The following PKNOX2 variants were observed in gnomAD, a reference collection of about 807,000 sequenced individuals.
PKNOX2 encodes PBX/knotted 1 homeobox 2, also known as homeobox protein PKNOX2.
PKNOX2 carries 14 observed loss-of-function variants against 53.1 expected under a neutral mutation model. The ratio of observed to expected loss-of-function variants is 0.26; its 90% CI spans 0.17 to 0.41. The LOEUF (loss-of-function observed/expected upper bound fraction) is 0.41. Ranked by LOEUF, PKNOX2 falls within the 10% of genes least tolerant of loss-of-function variation. PKNOX2 has a pLI of 1.00. For synonymous variants in PKNOX2, 257 were observed against 242.8 expected, an observed-to-expected ratio of 1.06 and a Z score of -0.54; for missense variants, 496 against 602.8, an observed-to-expected ratio of 0.82 and a Z score of 1.85.
At chr11:125,168,948 T>A (rs1261324618) in intron 1 of PKNOX2, among the ~76,000 whole-genome samples, 1 of 152,250 alleles carries the variant, frequency 6.6e-6, no homozygotes, top group African/African-American at 2.4e-5. Flanking sequence ...TGAAATTCTA[T>A]CTCTAATCTC....
At chr11:125,354,744 A>C (rs1951508634) in intron 4 of PKNOX2, among the ~76,000 whole-genome samples, 1 of 152,176 alleles carries the variant, frequency 6.6e-6, no homozygotes. Flanking sequence ...AAGTTTGGGG[A>C]ATAAAGTTAT....
intron 1 of PKNOX2, among the ~76,000 whole-genome samples, chr11:125,181,734 A>G (rs1293939082): frequency 6.6e-6 from 1 of 152,198 alleles, no homozygotes; most frequent in Non-Finnish European, 1.5e-5. Context: ...GCCTTCTTAA[A>G]TGTTTGGGAG....
At chr11:125,429,865 C>T (rs1221907183) in intron 11 of PKNOX2, 98 bp from the exon 12 acceptor site, 3 of 1,368,090 alleles carry the variant, frequency 2.2e-6, no homozygotes, top group Non-Finnish European at 3.0e-6. Context: ...CCGGTCTGCT[C>T]TGTGAAATGG....
At chr11:125,313,826 G>A (rs1238329481) in intron 2 of PKNOX2, among the ~76,000 whole-genome samples, 1 of 152,204 alleles carries the variant, frequency 6.6e-6, no homozygotes, top group Non-Finnish European at 1.5e-5. Flanking sequence ...TAGCCACATG[G>A]TGTCCATGGT....
intron 7 of PKNOX2, among the ~76,000 whole-genome samples, chr11:125,399,059 CAGGCTGACTTCTAG>C (rs1258930711): frequency 6.6e-6 from 1 of 152,224 alleles, no homozygotes; most frequent in African/African-American, 2.4e-5. Context: ...GGGGAGGGGA[CAGGCTGACTTCTAG>C]AAGGCCAGCC....
At chr11:125,345,532 A>C (rs1484669731) in intron 3 of PKNOX2, among the ~76,000 whole-genome samples, 1 of 152,082 alleles carries the variant, frequency 6.6e-6, no homozygotes, top group Non-Finnish European at 1.5e-5. Flanking sequence ...GACCTGGTGC[A>C]TGTGTGTGTT....
chr11:125,368,940 A>G (rs1952352917), intron 5 of PKNOX2, among the ~76,000 whole-genome samples: 1 of 152,220 alleles, frequency 6.6e-6, no homozygotes, highest in Non-Finnish European at 1.5e-5. Flanking sequence ...GTTCACATGC[A>G]TCAGCAAGTG....
chr11:125,177,834 G>C (rs1382638279), intron 1 of PKNOX2, among the ~76,000 whole-genome samples: 1 of 152,148 alleles, frequency 6.6e-6, no homozygotes, highest in Non-Finnish European at 1.5e-5. Flanking sequence ...AGAGCCTGGG[G>C]AGGCTTCGCA....
At chr11:125,379,330 G>A (rs868417917) in intron 5 of PKNOX2, among the ~76,000 whole-genome samples, 2 of 152,042 alleles carry the variant, frequency 1.3e-5, no homozygotes, top group South Asian at 2.1e-4. Context: ...CCAAAGCGCT[G>A]GGGATTACAG....
chr11:125,207,626 A>C (rs1321213309), intron 1 of PKNOX2, among the ~76,000 whole-genome samples: 1 of 152,088 alleles, frequency 6.6e-6, no homozygotes, highest in Admixed American at 6.5e-5. Context: ...GGACCAAAAT[A>C]TCCAGTAAGG....
chr11:125,276,406 C>T lies in PKNOX2; in HGVS notation c.-130+41291C>T, dbSNP rs1339937580. On this transcript the variant is annotated intron_variant, in intron 2 of 12. Transcript: ENST00000298282. ...ATGATATGGAGGTATGTTTATATGCCAGGGGAAGTGATCCAGTTAAAGAGG... is the reference window on the plus strand; with the variant it reads ...ATGATATGGAGGTATGTTTATATGCTAGGGGAAGTGATCCAGTTAAAGAGG... 2.0e-5 allele frequency among the ~76,000 whole-genome samples: 3 copies of T among 152,088 alleles called. 1 individual carries two copies. The highest frequency in any genetic ancestry group is 4.4e-5 in the Non-Finnish European group (3 of 68,028).
chr11:125,211,038 G>T (rs1939785315), intron 1 of PKNOX2, among the ~76,000 whole-genome samples: 1 of 152,136 alleles, frequency 6.6e-6, no homozygotes, highest in South Asian at 2.1e-4. Flanking sequence ...ATGCTTGTCG[G>T]TCAGGTGCCT....
At chr11:125,369,547 C>T (rs754421851) in intron 5 of PKNOX2, among the ~76,000 whole-genome samples, 1 of 152,098 alleles carries the variant, frequency 6.6e-6, no homozygotes, top group African/African-American at 2.4e-5. Context: ...TCTCCAGGCA[C>T]CGATAGACGT....
intron 5 of PKNOX2, among the ~76,000 whole-genome samples, chr11:125,381,465 A>G (rs573695622): frequency 6.6e-6 from 1 of 152,130 alleles, no homozygotes; most frequent in African/African-American, 2.4e-5. Flanking sequence ...AAGGATGGGC[A>G]GCATGTTCCT....
chr11:125,183,298 G>A lies in PKNOX2; in HGVS notation c.-201+18522G>A, dbSNP rs569862966. 3.3e-4 allele frequency among the ~76,000 whole-genome samples: 19 copies of A among 57,848 alleles called. 4 individuals carry two copies. Among genetic ancestry groups the A allele is most frequent in the African/African-American group, 1.0e-3 (16 of 15,682 alleles). The allele number at this position is 57,848 out of a possible 152,430, so 38.0% of individuals were successfully genotyped here. On this transcript the variant is annotated intron_variant, in intron 1 of 12. Coordinates refer to ENST00000298282, the MANE Select transcript of PKNOX2 (RefSeq NM_001382323.2). ...GTGGTGCAATCTCGGCTCACTGCAA[G>A]CTCCGCTTCCCGGGTTCACGCCATT... is the stretch of plus-strand genomic sequence containing the variant.
intron 2 of PKNOX2, among the ~76,000 whole-genome samples, chr11:125,326,407 G>A (rs1291079473): frequency 6.6e-6 from 1 of 152,156 alleles, no homozygotes; most frequent in Non-Finnish European, 1.5e-5. Flanking sequence ...CTGGAGAAAA[G>A]GTTCAGATTT....
rs1951361561 is a variant in PKNOX2 at position 125,352,163 on chromosome 11, C to A, written c.87+771C>A. On this transcript the variant is annotated intron_variant, in intron 4 of 12. Transcript: ENST00000298282. The surrounding 1 kb of genome is among the most constrained non-coding windows in gnomAD (Gnocchi z 4.1). ...GACCAGCCGCTTTTCCTTTTTGCTT[C>A]CCCCAGGTGCTCCTCTTGTCCACCC... Among the ~76,000 whole-genome samples, 1 of 152,140 alleles carries A rather than the reference C, an allele frequency of 6.6e-6. No individual in the cohort carries two copies. The highest frequency in any genetic ancestry group is 6.5e-5 in the Admixed American group (1 of 15,268).
chr11:125,254,562 A>T (rs1565480403), intron 2 of PKNOX2, among the ~76,000 whole-genome samples: 1 of 152,248 alleles, frequency 6.6e-6, no homozygotes, highest in Non-Finnish European at 1.5e-5. Context: ...TGAAGAGAAC[A>T]GTCAGTTCTG....
intron 1 of PKNOX2, among the ~76,000 whole-genome samples, chr11:125,189,403 G>GTA (rs1269187772): frequency 2.9e-4 from 25 of 84,964 alleles, no homozygotes; most frequent in Admixed American, 4.4e-4. Flanking sequence ...ATATATGTGT[G>GTA]TATATATATA....
Sources: allele counts gnomAD v4.1 joint callset (sites outside exome capture counted in the v4.1 genomes callset), GRCh38; gene constraint gnomAD v4.1.1; non-coding constraint Gnocchi (gnomAD v3.1); transcripts MANE v1.5; gene names NCBI Gene and HGNC (gene_info 2026-07-23, HGNC 2026-07-21).